Variants in UBE2E2 observed in about 807,000 individuals in gnomAD.
UBE2E2 encodes ubiquitin conjugating enzyme E2 E2.
UBE2E2 carries 6 observed loss-of-function variants against 24.7 expected under a neutral mutation model. The observed-to-expected ratio is 0.24, with a 90% CI of 0.13 to 0.48. UBE2E2 has a LOEUF of 0.48. Among genes scored for constraint, UBE2E2 ranks in the 20% least tolerant of loss-of-function variants. The pLI is 0.99. For missense variants in UBE2E2, 169 were observed against 245.0 expected, an observed-to-expected ratio of 0.69 and a Z score of 2.07; for synonymous variants, 104 against 83.6, an observed-to-expected ratio of 1.24 and a Z score of -1.33.
intron 5 of UBE2E2, among the ~76,000 whole-genome samples, chr3:23,577,238 CCT>C (rs1371788345): frequency 1.3e-5 from 2 of 151,630 alleles, no homozygotes; most frequent in Non-Finnish European, 2.9e-5. Flanking sequence ...AAAAGTTAGG[CCT>C]CTTGTGTCAA....
At chr3:23,230,483 A>G (rs576055497) in intron 3 of UBE2E2, among the ~76,000 whole-genome samples, 1 of 152,148 alleles carries the variant, frequency 6.6e-6, no homozygotes. Context: ...CATGATCATG[A>G]GGTACATTGG....
intron 2 of UBE2E2, among the ~76,000 whole-genome samples, chr3:23,211,633 C>T (rs1325610338): frequency 3.3e-5 from 5 of 151,910 alleles, no homozygotes; most frequent in African/African-American, 4.8e-5. Context: ...TGGTTGCAAG[C>T]GATCCTCCTG....
At chr3:23,392,850 G>T (rs1397182637) in intron 3 of UBE2E2, among the ~76,000 whole-genome samples, 1 of 152,096 alleles carries the variant, frequency 6.6e-6, no homozygotes, top group African/African-American at 2.4e-5. Flanking sequence ...GAATAATATT[G>T]ACAGATTGAG....
intron 3 of UBE2E2, among the ~76,000 whole-genome samples, chr3:23,468,389 C>A (rs1225736747): frequency 2.6e-5 from 4 of 152,180 alleles, no homozygotes; most frequent in African/African-American, 4.8e-5. Context: ...ATATTATCTA[C>A]AATTGCTTGG....
At chr3:23,209,019 T>G in intron 2 of UBE2E2, 144 bp downstream of exon 2, 4 of 935,282 alleles carry the variant, frequency 4.3e-6, no homozygotes, top group Non-Finnish European at 6.3e-6. Flanking sequence ...TGATCTCGTT[T>G]ACATGGTTTT....
intron 3 of UBE2E2, among the ~76,000 whole-genome samples, chr3:23,266,214 A>G (rs1388155266): frequency 6.6e-6 from 1 of 152,148 alleles, no homozygotes; most frequent in Non-Finnish European, 1.5e-5. Context: ...TATTTTGCTC[A>G]TTAGTTGATG....
intron 4 of UBE2E2, among the ~76,000 whole-genome samples, chr3:23,526,089 ATTG>A (rs1460670141): frequency 2.0e-5 from 3 of 152,166 alleles, no homozygotes; most frequent in African/African-American, 7.2e-5. Flanking sequence ...TTTTACCTTG[ATTG>A]TAGAACATGT....
At chr3:23,296,597 C>T (rs9815359) in intron 3 of UBE2E2, among the ~76,000 whole-genome samples, 127,929 of 152,126 alleles carry the variant, frequency 0.84, 53,886 homozygotes, top group African/African-American at 0.9. Context: ...CTGAGAATTA[C>T]GGTTTCCAGC....
chr3:23,556,020 G>T (rs558802762), intron 5 of UBE2E2, among the ~76,000 whole-genome samples: 4 of 151,928 alleles, frequency 2.6e-5, no homozygotes, highest in Admixed American at 6.6e-5. Context: ...TGCCATGGGG[G>T]TGGGGAGGGA....
chr3:23,312,449 C>T (rs1694434264), intron 3 of UBE2E2, among the ~76,000 whole-genome samples: 1 of 151,954 alleles, frequency 6.6e-6, no homozygotes, highest in Non-Finnish European at 1.5e-5. Flanking sequence ...GACTATAACC[C>T]ACCCTGATGT....
In UBE2E2 at chr3:23,259,621, A is replaced by C. The variant is rs528872110; in HGVS notation, c.227+42309A>C. On this transcript the variant is annotated intron_variant, in intron 3 of 5. Coordinates refer to ENST00000396703, the MANE Select transcript of UBE2E2 (RefSeq NM_152653.4). ...AAATATTGTAATTTTTCTTGGAGTA[A>C]AATTTAGGGGCCAAAGGCTGTATTA... Among the ~76,000 whole-genome samples, 27 of 152,250 alleles carry C rather than the reference A, an allele frequency of 1.8e-4. 1 individual carries two copies. Among genetic ancestry groups the C allele is most frequent in the African/African-American group, 6.5e-4 (27 of 41,532 alleles).
intron 3 of UBE2E2, among the ~76,000 whole-genome samples, chr3:23,476,952 A>G (rs1326466417): frequency 6.6e-6 from 1 of 152,062 alleles, no homozygotes; most frequent in Non-Finnish European, 1.5e-5. Context: ...TAAGTTCCTT[A>G]TTGTTTCTTT....
intron 3 of UBE2E2, among the ~76,000 whole-genome samples, chr3:23,250,858 A>G (rs946799780): frequency 5.9e-5 from 9 of 152,184 alleles, no homozygotes; most frequent in Middle Eastern, 3.4e-3. Flanking sequence ...CCTCTGTGGC[A>G]GGAGTATTTA....
At chr3:23,226,546 A>G (rs962029987) in intron 3 of UBE2E2, among the ~76,000 whole-genome samples, 1 of 152,184 alleles carries the variant, frequency 6.6e-6, no homozygotes, top group Non-Finnish European at 1.5e-5. Context: ...GGCCAGGAAA[A>G]CATCTTTAAG....
At chr3:23,283,784 T>G (rs2125373366) in intron 3 of UBE2E2, among the ~76,000 whole-genome samples, 1 of 152,228 alleles carries the variant, frequency 6.6e-6, no homozygotes, top group Middle Eastern at 3.4e-3. Flanking sequence ...TTCTCAAAAG[T>G]GTGCTCTCCA....
intron 5 of UBE2E2, among the ~76,000 whole-genome samples, chr3:23,539,840 T>C (rs1351964383): frequency 1.3e-5 from 2 of 152,184 alleles, no homozygotes; most frequent in East Asian, 1.9e-4. Flanking sequence ...TTTCACTAAG[T>C]GAAGACGTAA....
At chr3:23,215,076 C>T (rs1696438418) in intron 2 of UBE2E2, among the ~76,000 whole-genome samples, 1 of 151,898 alleles carries the variant, frequency 6.6e-6, no homozygotes, top group South Asian at 2.1e-4. Flanking sequence ...TTATTGGTTG[C>T]CTTTATAGTC....
At chr3:23,312,475 A>AT (rs796783454) in intron 3 of UBE2E2, among the ~76,000 whole-genome samples, 84 of 146,536 alleles carry the variant, frequency 5.7e-4, no homozygotes, top group East Asian at 1.4e-3. Flanking sequence ...CAAATACTGG[A>AT]TTTTTTTTTT....
chr3:23,435,173 A>G (rs1457549243), intron 3 of UBE2E2, among the ~76,000 whole-genome samples: 1 of 152,232 alleles, frequency 6.6e-6, no homozygotes, highest in Non-Finnish European at 1.5e-5. Flanking sequence ...GAACTTACAC[A>G]CTTGAAATCA....
Sources: allele counts gnomAD v4.1 joint callset (sites outside exome capture counted in the v4.1 genomes callset), GRCh38; gene constraint gnomAD v4.1.1; transcripts MANE v1.5; gene names NCBI Gene and HGNC (gene_info 2026-07-23, HGNC 2026-07-21).